The following CDK6 variants were observed in gnomAD, a reference collection of about 807,000 sequenced individuals.
CDK6 encodes the protein cyclin dependent kinase 6, also known as cyclin-dependent kinase 6.
A neutral mutation model predicts 37.1 loss-of-function variants in CDK6; 6 were observed. The observed-to-expected ratio is 0.16, with a 90% CI of 0.09 to 0.32. CDK6 has a LOEUF of 0.32. Ranked by LOEUF, CDK6 falls within the 10% of genes least tolerant of loss-of-function variation. The pLI, the probability that CDK6 is intolerant of heterozygous loss-of-function variation, is 1.00. For synonymous variants in CDK6, 160 were observed against 161.3 expected, an observed-to-expected ratio of 0.99 and a Z score of 0.06; for missense variants, 224 against 418.9, an observed-to-expected ratio of 0.53 and a Z score of 4.06.
chr7:92,667,988 G>A (rs1796996471), intron 5 of CDK6, among the ~76,000 whole-genome samples: 1 of 152,200 alleles, frequency 6.6e-6, no homozygotes. Flanking sequence ...GCAGTGTACA[G>A]TAACATCCTA....
intron 5 of CDK6, among the ~76,000 whole-genome samples, chr7:92,624,330 T>C (rs1016793245): frequency 6.6e-6 from 1 of 152,120 alleles, no homozygotes; most frequent in Non-Finnish European, 1.5e-5. Context: ...TAAAATAAGA[T>C]AGGGTGGGCC....
intron 2 of CDK6, among the ~76,000 whole-genome samples, chr7:92,798,194 G>A (rs78130991): frequency 0.011 from 1,655 of 152,044 alleles, 26 homozygotes; most frequent in African/African-American, 0.037. Flanking sequence ...TGAATAAAAA[G>A]CAGAAAAAAA....
intron 3 of CDK6, among the ~76,000 whole-genome samples, chr7:92,726,910 G>A (rs534072442): frequency 6.6e-6 from 1 of 152,232 alleles, no homozygotes; most frequent in South Asian, 2.1e-4. Flanking sequence ...TTTATCATAG[G>A]ATCATTGTAA....
At chr7:92,753,653 C>A (rs144399141) in intron 3 of CDK6, among the ~76,000 whole-genome samples, 2 of 151,624 alleles carry the variant, frequency 1.3e-5, no homozygotes, top group Non-Finnish European at 2.9e-5. Context: ...CCACCACGCC[C>A]AGCTAGTAAG....
At chr7:92,814,555 C>CAAA (rs201939605) in intron 2 of CDK6, among the ~76,000 whole-genome samples, 15 of 70,008 alleles carry the variant, frequency 2.1e-4, no homozygotes, top group South Asian at 4.6e-4. Context: ...AACTGAATTG[C>CAAA]AAAAAAAAAA....
chr7:92,820,110 A>G (rs2115977447), intron 2 of CDK6, among the ~76,000 whole-genome samples: 1 of 152,250 alleles, frequency 6.6e-6, no homozygotes, highest in Middle Eastern at 3.4e-3. Context: ...ACAGATTGTG[A>G]TAAAGGCAAA....
rs937572830 is a variant in CDK6, at chr7:92,611,164, TATGA to T, written c.*3972_*3975del. 8.8e-6 allele frequency: 2 copies of T among 226,742 alleles called. No individual in the cohort carries two copies. The highest frequency in any genetic ancestry group is 4.5e-5 in the African/African-American group (2 of 44,902). The allele number at this position is 226,742 out of a possible 1,614,324, so 14.0% of individuals were successfully genotyped here. A position where few individuals can be genotyped will look rare whatever the true frequency, so the allele number is the denominator to read the frequency against. On this transcript the variant is annotated 3_prime_UTR_variant, in exon 8 of 8. Transcript: ENST00000424848. ...TTCCTTTATCTATTGCCCACTGTTT[TATGA>T]ATAATTTTTAAAGCCTTAGAAATCA...
chr7:92,756,210 T>G (rs961304351), intron 3 of CDK6, among the ~76,000 whole-genome samples: 1 of 151,690 alleles, frequency 6.6e-6, no homozygotes, highest in African/African-American at 2.4e-5. Flanking sequence ...AACTATGATC[T>G]TGTGTACAAC....
intron 3 of CDK6, among the ~76,000 whole-genome samples, chr7:92,760,056 G>C (rs760452492): frequency 6.6e-6 from 1 of 152,178 alleles, no homozygotes; most frequent in Non-Finnish European, 1.5e-5. Context: ...TGAAAGCCTA[G>C]AGATTGTTAC....
Position 92,607,416 on chromosome 7 carries a change from T to C in CDK6, c.*7724A>G, listed in dbSNP as rs956793352. 8 of 233,026 alleles carry C rather than the reference T, an allele frequency of 3.4e-5. No individual in the cohort carries two copies. The highest frequency in any genetic ancestry group is 4.2e-5 in the Non-Finnish European group (5 of 117,996). 14.4% of individuals were successfully genotyped at this position (233,026 alleles called of 1,614,324 possible). A position where few individuals can be genotyped will look rare whatever the true frequency, so the allele number is the denominator to read the frequency against. Reference sequence around the variant, plus strand: ...TGCACTCTACTATATGCATATTTAATAAAAACAACTACAAAGTCCTTTACT... The same window carrying C: ...TGCACTCTACTATATGCATATTTAACAAAAACAACTACAAAGTCCTTTACT... On this transcript the variant is annotated 3_prime_UTR_variant, in exon 8 of 8. Transcript: ENST00000424848.
rs1801571305 is a variant in CDK6, at chr7:92,833,889, G to A, written c.-367-199C>T. 1 of 398,784 alleles carries A rather than the reference G, an allele frequency of 2.5e-6. No homozygotes were observed. The highest frequency in any genetic ancestry group is 1.3e-4 in the South Asian group (1 of 7,866). 24.7% of individuals were successfully genotyped at this position (398,784 alleles called of 1,614,324 possible). A position where few individuals can be genotyped will look rare whatever the true frequency, so the allele number is the denominator to read the frequency against. ...CGAAGTTACTTTTCTTTCCCTGCAGGGCTGAAGCCGTCTTCGCGCGGAGAG... is the reference window on the plus strand; with the variant it reads ...CGAAGTTACTTTTCTTTCCCTGCAGAGCTGAAGCCGTCTTCGCGCGGAGAG... On this transcript the variant is annotated intron_variant, in intron 1 of 7. Coordinates refer to ENST00000424848, the MANE Select transcript of CDK6 (RefSeq NM_001145306.2). This position sits in a 1 kb window ranked among gnomAD's most constrained non-coding sequence, Gnocchi z 6.1.
intron 3 of CDK6, among the ~76,000 whole-genome samples, chr7:92,765,979 C>G (rs184963307): frequency 1.3e-5 from 2 of 151,958 alleles, no homozygotes; most frequent in Admixed American, 1.3e-4. Context: ...TAGAAGCAAG[C>G]TGGAGGAACA....
intron 5 of CDK6, among the ~76,000 whole-genome samples, chr7:92,645,893 T>C (rs1353584202): frequency 6.6e-6 from 1 of 152,236 alleles, no homozygotes; most frequent in Non-Finnish European, 1.5e-5. Context: ...TGTCCAAAGG[T>C]GTGGCTTTAT....
At chr7:92,761,223 TCTA>T (rs1227926925) in intron 3 of CDK6, among the ~76,000 whole-genome samples, 2 of 152,130 alleles carry the variant, frequency 1.3e-5, no homozygotes, top group African/African-American at 2.4e-5. Context: ...CTTAGAAAAC[TCTA>T]CTACCAGATC....
Position 92,632,696 on chromosome 7 carries a change from A to T in CDK6, c.648-9610T>A, listed in dbSNP as rs527280379. On this transcript the variant is annotated intron_variant, in intron 5 of 7. Transcript: ENST00000424848. Reference sequence around the variant, plus strand: ...TTCATCATGGGTACTGTTAAAAATAACAAATTATTGCATACCTATATCAAA... The same window carrying T: ...TTCATCATGGGTACTGTTAAAAATATCAAATTATTGCATACCTATATCAAA... Among the ~76,000 whole-genome samples the T allele has an allele frequency of 2.6e-5, 4 of 152,308 alleles. No individual in the cohort carries two copies. The South Asian group carries it at 8.3e-4, about 32-fold the overall frequency.
chr7:92,660,064 C>T (rs1465357071), intron 5 of CDK6, among the ~76,000 whole-genome samples: 3 of 152,254 alleles, frequency 2.0e-5, no homozygotes, highest in East Asian at 1.9e-4. Context: ...TAGGTAAAGA[C>T]GCTAAGTTCC....
At chr7:92,780,552 A>G (rs1015369851) in intron 2 of CDK6, among the ~76,000 whole-genome samples, 1 of 152,008 alleles carries the variant, frequency 6.6e-6, no homozygotes, top group Non-Finnish European at 1.5e-5. Flanking sequence ...CGAGGTCAGG[A>G]GATCGAGACC....
intron 3 of CDK6, among the ~76,000 whole-genome samples, chr7:92,730,330 T>G (rs1374783993): frequency 6.6e-6 from 1 of 152,236 alleles, no homozygotes; most frequent in Non-Finnish European, 1.5e-5. Flanking sequence ...TTATTCAAGT[T>G]TTCACAGAAC....
intron 2 of CDK6, among the ~76,000 whole-genome samples, chr7:92,808,709 G>A (rs941512094): frequency 5.9e-5 from 9 of 152,156 alleles, no homozygotes; most frequent in African/African-American, 2.2e-4. Context: ...CAAGTATTTT[G>A]AGGTAGGGTG....
Sources: allele counts gnomAD v4.1 joint callset (sites outside exome capture counted in the v4.1 genomes callset), GRCh38; gene constraint gnomAD v4.1.1; non-coding constraint Gnocchi (gnomAD v3.1); transcripts MANE v1.5; gene names NCBI Gene and HGNC (gene_info 2026-07-23, HGNC 2026-07-21).